RHOQ: variants seen among roughly 807,000 people sequenced by gnomAD.
RHOQ encodes ras homolog family member Q, also known as rho-related GTP-binding protein RhoQ.
RHOQ carries 7 observed loss-of-function variants against 25.8 expected under a neutral mutation model. The ratio of observed to expected loss-of-function variants is 0.27; its 90% CI spans 0.15 to 0.51. The LOEUF is 0.51. RHOQ is among the 20% of genes least tolerant of loss of function. The pLI is 0.97. For synonymous variants in RHOQ, 97 were observed against 98.6 expected (o/e 0.98, Z 0.10); for missense variants, 165 against 260.6 (o/e 0.63, Z 2.53).
intron 2 of RHOQ, among the ~76,000 whole-genome samples, chr2:46,573,098 C>G (rs1011091667): frequency 6.8e-6 from 1 of 147,262 alleles, no homozygotes; most frequent in Non-Finnish European, 1.5e-5. Flanking sequence ...GAGTTTAGCT[C>G]TGTTGCCCAG....
At chr2:46,573,350 A>G (rs1179985501) in intron 2 of RHOQ, among the ~76,000 whole-genome samples, 1 of 152,218 alleles carries the variant, frequency 6.6e-6, no homozygotes, top group Admixed American at 6.5e-5. Flanking sequence ...GTGGGCCATC[A>G]TGCCCGGCCA....
intron 2 of RHOQ, chr2:46,560,464 G>A (rs577335249): frequency 2.2e-5 from 9 of 411,378 alleles, no homozygotes; most frequent in Non-Finnish European, 4.0e-5. Context: ...TTATAGTGGT[G>A]GATATTCTGT....
intron 2 of RHOQ, 129 bp from the exon 3 acceptor site, chr2:46,575,958 T>C: frequency 1.6e-6 from 1 of 609,184 alleles, no homozygotes; most frequent in East Asian, 3.3e-5. Flanking sequence ...CTGATTTTAC[T>C]TAGAGTGCCA....
rs1558681449 is a variant in RHOQ, at chr2:46,548,484, T to A, written c.201+4672T>A. On this transcript the variant is annotated intron_variant, in intron 2 of 4. Coordinates refer to ENST00000238738, the MANE Select transcript of RHOQ (RefSeq NM_012249.4). This position sits in a 1 kb window ranked among gnomAD's most constrained non-coding sequence, Gnocchi z 5.2. ...CCCTTCAAGGTAGACTTCTCCCAGA[T>A]GAGGAAATTGGGAACAAGTGGGCTT... Among the ~76,000 whole-genome samples, 1 of 152,208 alleles carries A rather than the reference T, an allele frequency of 6.6e-6. No homozygotes were observed.
At chr2:46,549,523 A>ATGCTTCAGCAT (rs1668175297) in intron 2 of RHOQ, among the ~76,000 whole-genome samples, 1 of 152,218 alleles carries the variant, frequency 6.6e-6, no homozygotes, top group Non-Finnish European at 1.5e-5. Flanking sequence ...CACAACAGCA[A>ATGCTTCAGCAT]TGCTTCAGCA....
chr2:46,567,972 G>A (rs1668787842), intron 2 of RHOQ, among the ~76,000 whole-genome samples: 2 of 152,176 alleles, frequency 1.3e-5, no homozygotes, highest in Admixed American at 6.5e-5. Flanking sequence ...TACTCGGGAG[G>A]CTGAGGTGGA....
chr2:46,547,567 A>G (rs1406450789), intron 2 of RHOQ, among the ~76,000 whole-genome samples: 1 of 152,212 alleles, frequency 6.6e-6, no homozygotes, highest in Non-Finnish European at 1.5e-5. Context: ...GGCCAAGCCC[A>G]TGGGTGGTCC....
At chr2:46,546,455 T>C (rs1326379020) in intron 2 of RHOQ, among the ~76,000 whole-genome samples, 18 of 4,948 alleles carry the variant, frequency 3.6e-3, no homozygotes, top group East Asian at 0.017. Flanking sequence ...CATATACATA[T>C]ATATATATAT....
chr2:46,551,180 A>G (rs1362464232), intron 2 of RHOQ, among the ~76,000 whole-genome samples: 2 of 152,058 alleles, frequency 1.3e-5, no homozygotes, highest in Non-Finnish European at 2.9e-5. Flanking sequence ...GGGTTGTTAG[A>G]TATGTTGGAG....
In RHOQ at chr2:46,548,733, T is replaced by C. The variant is rs1668150166; in HGVS notation, c.201+4921T>C. ...ACAGGTGAGATGCTGGCACTGAGCA[T>C]CCTGGTTTCCCTTAGTAACCTACTG... On this transcript the variant is annotated intron_variant, in intron 2 of 4. Transcript: ENST00000238738. This position sits in a 1 kb window ranked among gnomAD's most constrained non-coding sequence, Gnocchi z 5.2. 6.6e-6 allele frequency among the ~76,000 whole-genome samples: 1 copy of C among 152,074 alleles called. No individual in the cohort carries two copies. The highest frequency in any genetic ancestry group is 2.4e-5 in the African/African-American group (1 of 41,358).
intron 2 of RHOQ, among the ~76,000 whole-genome samples, chr2:46,560,975 TAG>T (rs1295180685): frequency 2.7e-5 from 4 of 150,184 alleles, no homozygotes; most frequent in Admixed American, 6.7e-5. Flanking sequence ...CTCAAATGCA[TAG>T]AGTGTCCTAC....
At position 46,556,362 on chromosome 2, in the gene RHOQ, A is replaced by G. The variant is rs1471484943; in HGVS notation, c.201+12550A>G. Among the ~76,000 whole-genome samples the G allele has an allele frequency of 1.3e-5, 2 of 152,138 alleles. No individual in the cohort carries two copies. The highest frequency in any genetic ancestry group is 4.8e-5 in the African/African-American group (2 of 41,414). On this transcript the variant is annotated intron_variant, in intron 2 of 4. Transcript: ENST00000238738. The surrounding 1 kb of genome is among the most constrained non-coding windows in gnomAD (Gnocchi z 4.9). ...TCTGGGGACTATTTTCAGGGTTTCA[A>G]GGTACAAAGTGAAGTTCTGCTAGTT...
At chr2:46,546,481 T>C (rs1458944341) in intron 2 of RHOQ, among the ~76,000 whole-genome samples, 509 of 19,848 alleles carry the variant, frequency 0.026, 53 homozygotes, top group African/African-American at 0.09. Context: ...TATGTGTATA[T>C]ATATATATAT....
chr2:46,583,064 G>A lies in RHOQ; in HGVS notation c.*1981G>A, dbSNP rs990434042. 3.3e-5 allele frequency: 5 copies of A among 152,068 alleles called. No homozygotes were observed. The highest frequency in any genetic ancestry group is 1.2e-4 in the African/African-American group (5 of 41,378). The allele number at this position is 152,068 out of a possible 1,614,324, so 9.4% of individuals were successfully genotyped here. A position where few individuals can be genotyped will look rare whatever the true frequency, so the allele number is the denominator to read the frequency against. ...AATCAATTAACATATTAGCTGAGTT[G>A]TCCAACACATGGTATAAACGAATTA... On this transcript the variant is annotated 3_prime_UTR_variant, in exon 5 of 5. Coordinates refer to ENST00000238738, the MANE Select transcript of RHOQ (RefSeq NM_012249.4).
rs1669480355 is a variant in RHOQ, at chr2:46,583,774, A to G, written c.*2691A>G. ...AACTAGTGAAATATCTGGGAAATAAACTGCTTCAAAAATATTTTACTGACA... is the reference window on the plus strand; with the variant it reads ...AACTAGTGAAATATCTGGGAAATAAGCTGCTTCAAAAATATTTTACTGACA... On this transcript the variant is annotated 3_prime_UTR_variant, in exon 5 of 5. Coordinates refer to ENST00000238738, the MANE Select transcript of RHOQ (RefSeq NM_012249.4). 6.6e-6 allele frequency among the ~76,000 whole-genome samples: 1 copy of G among 152,182 alleles called. No individual in the cohort carries two copies. Among genetic ancestry groups the G allele is most frequent in the Admixed American group, 6.5e-5 (1 of 15,282 alleles).
At chr2:46,579,616 C>T (rs377282602) in intron 4 of RHOQ, among the ~76,000 whole-genome samples, 5 of 152,036 alleles carry the variant, frequency 3.3e-5, no homozygotes, top group East Asian at 1.9e-4. Context: ...TTTGGGAGCC[C>T]GAGGCGGGCA....
chr2:46,562,247 T>C (rs1468506876), intron 2 of RHOQ, among the ~76,000 whole-genome samples: 1 of 151,972 alleles, frequency 6.6e-6, no homozygotes, highest in East Asian at 1.9e-4. Context: ...TTCCACCACT[T>C]CACCGAGAGC....
intron 1 of RHOQ, 69 bp downstream of exon 1, chr2:46,543,257 GC>G: frequency 6.4e-7 from 1 of 1,574,686 alleles, no homozygotes; most frequent in Non-Finnish European, 8.7e-7. Flanking sequence ...CTTTGGCGGA[GC>G]CCCCTCGCCG....
chr2:46,568,018 G>T (rs1421023023), intron 2 of RHOQ, among the ~76,000 whole-genome samples: 1 of 152,184 alleles, frequency 6.6e-6, no homozygotes, highest in African/African-American at 2.4e-5. Flanking sequence ...GTAGCAATCT[G>T]TGATCATGCT....
Sources: allele counts gnomAD v4.1 joint callset (sites outside exome capture counted in the v4.1 genomes callset), GRCh38; gene constraint gnomAD v4.1.1; non-coding constraint Gnocchi (gnomAD v3.1); transcripts MANE v1.5; gene names NCBI Gene and HGNC (gene_info 2026-07-23, HGNC 2026-07-21).